TENM2: variants seen among roughly 807,000 people sequenced by gnomAD.
The protein encoded by TENM2 is teneurin-2.
In TENM2, 52 loss-of-function variants were observed where a neutral mutation model predicts 245.2. The ratio of observed to expected loss-of-function variants is 0.21; its 90% CI spans 0.17 to 0.27. The LOEUF (loss-of-function observed/expected upper bound fraction) is 0.27, where lower values mean the gene tolerates loss of function less well. Ranked by LOEUF, TENM2 falls within the 10% of genes least tolerant of loss-of-function variation. TENM2 has a pLI of 1.00. For missense variants in TENM2, 3,046 were observed against 3,666.8 expected, an observed-to-expected ratio of 0.83 and a Z score of 4.37; for synonymous variants, 1,363 against 1,438.9, an observed-to-expected ratio of 0.95 and a Z score of 1.19.
intron 4 of TENM2, among the ~76,000 whole-genome samples, chr5:167,989,268 A>AAGAGAGAGAGAGAGAGAGAGAGAG (rs10617322): frequency 1.4e-5 from 2 of 144,942 alleles, no homozygotes; most frequent in African/African-American, 5.2e-5. Context: ...AAGATAGAGA[A>AAGAGAGAGAGAGAGAGAGAGAGAG]AGAGAGAGAG....
chr5:167,348,775 CAATGG>C (rs1758634137), intron 1 of TENM2, among the ~76,000 whole-genome samples: 1 of 152,142 alleles, frequency 6.6e-6, no homozygotes. Flanking sequence ...CTAAAATTGG[CAATGG>C]AGTCAAAATG....
chr5:167,628,892 A>C (rs1356127725), intron 2 of TENM2, among the ~76,000 whole-genome samples: 1 of 152,146 alleles, frequency 6.6e-6, no homozygotes, highest in African/African-American at 2.4e-5. Context: ...TTAGCTGTGT[A>C]TTGCTTGCAT....
At chr5:168,099,915 G>A (rs1030313421) in intron 9 of TENM2, among the ~76,000 whole-genome samples, 2 of 152,218 alleles carry the variant, frequency 1.3e-5, no homozygotes, top group South Asian at 2.1e-4. Context: ...GGCAAGGTTT[G>A]TAGTTCTCCT....
chr5:167,254,746 T>A, the TENM2 span, among the ~76,000 whole-genome samples: 1 of 152,080 alleles, frequency 6.6e-6, no homozygotes, highest in Non-Finnish European at 1.5e-5. Flanking sequence ...GATAAGGAGA[T>A]CAGGGAAGGT....
At chr5:168,181,791 C>T (rs1196261921) in intron 13 of TENM2, among the ~76,000 whole-genome samples, 1 of 150,770 alleles carries the variant, frequency 6.6e-6, no homozygotes, top group East Asian at 1.9e-4. Context: ...ATTCTTCTGC[C>T]TCAGCCTCCC....
At chr5:168,046,043 T>G (rs1381195538) in intron 5 of TENM2, among the ~76,000 whole-genome samples, 1 of 152,190 alleles carries the variant, frequency 6.6e-6, no homozygotes, top group Non-Finnish European at 1.5e-5. Context: ...AACATGGTTC[T>G]AAGATGGAGA....
chr5:167,683,640 T>A lies in TENM2; in HGVS notation c.503-192346T>A, dbSNP rs1194718356. On this transcript the variant is annotated intron_variant, in intron 2 of 28. Coordinates refer to ENST00000518659, the Ensembl canonical transcript of TENM2. ...TGGTTTCTTGAGATAGGGAAAACCA[T>A]ATTTGTCAGACCTGAAATTTATGTT... Among the ~76,000 whole-genome samples, 10 of 152,290 alleles carry A rather than the reference T, an allele frequency of 6.6e-5. No homozygotes were observed. In the East Asian group the frequency reaches 1.9e-3, roughly 29 times the overall value.
intron 27 of TENM2, among the ~76,000 whole-genome samples, chr5:168,257,278 G>C (rs1562345980): frequency 6.6e-6 from 1 of 152,086 alleles, no homozygotes; most frequent in African/African-American, 2.4e-5. Flanking sequence ...CAAGAGGTGG[G>C]GATGGGGGGT....
the TENM2 span, among the ~76,000 whole-genome samples, chr5:167,158,729 T>A: frequency 6.6e-6 from 1 of 151,948 alleles, no homozygotes; most frequent in South Asian, 2.1e-4. Context: ...CTCTATGAGG[T>A]CTCCACCATC....
intron 2 of TENM2, among the ~76,000 whole-genome samples, chr5:167,618,083 A>G (rs1777908254): frequency 6.6e-6 from 1 of 152,170 alleles, no homozygotes; most frequent in Admixed American, 6.6e-5. Flanking sequence ...ATTTATCACT[A>G]ATTACCTGCC....
chr5:168,048,833 A>G (rs1200134015), intron 6 of TENM2, among the ~76,000 whole-genome samples: 1 of 152,218 alleles, frequency 6.6e-6, no homozygotes, highest in South Asian at 2.1e-4. Context: ...CATAATCATA[A>G]CACTAAATTA....
chr5:166,986,621 AG>A, the TENM2 span, among the ~76,000 whole-genome samples: 1,566 of 152,288 alleles, frequency 0.01, 16 homozygotes, highest in Middle Eastern at 0.02. Flanking sequence ...TATGAACTTC[AG>A]GGGGAAAACA....
chr5:167,438,857 G>C (rs192447744), intron 2 of TENM2, among the ~76,000 whole-genome samples: 1 of 148,478 alleles, frequency 6.7e-6, no homozygotes, highest in Non-Finnish European at 1.5e-5. Context: ...GCAATGGCAC[G>C]ATCTCAGCTC....
chr5:167,380,304 T>C (rs1761022189), intron 2 of TENM2, among the ~76,000 whole-genome samples: 1 of 152,130 alleles, frequency 6.6e-6, no homozygotes, highest in African/African-American at 2.4e-5. Context: ...AGGCAAAATG[T>C]AAGAATATCA....
chr5:166,994,665 T>C, the TENM2 span, among the ~76,000 whole-genome samples: 3 of 152,232 alleles, frequency 2.0e-5, no homozygotes, highest in African/African-American at 7.2e-5. Context: ...TATTTTATTC[T>C]TTCTTACAAC....
At chr5:167,996,011 A>G (rs889178512) in intron 5 of TENM2, among the ~76,000 whole-genome samples, 9 of 152,144 alleles carry the variant, frequency 5.9e-5, no homozygotes, top group South Asian at 2.1e-4. Flanking sequence ...AGGTCCTGAA[A>G]TTGATGCATC....
At chr5:167,569,199 A>G (rs1019298739) in intron 2 of TENM2, among the ~76,000 whole-genome samples, 2 of 144,176 alleles carry the variant, frequency 1.4e-5, no homozygotes, top group African/African-American at 5.1e-5. Context: ...TATAATTTTG[A>G]TGATTTTCGT....
chr5:167,243,029 T>A, the TENM2 span, among the ~76,000 whole-genome samples: 1 of 150,658 alleles, frequency 6.6e-6, no homozygotes, highest in Non-Finnish European at 1.5e-5. Context: ...ATGTTGAGGT[T>A]TTTTTTTTTC....
At chr5:167,874,069 G>A (rs889412985) in intron 2 of TENM2, among the ~76,000 whole-genome samples, 9 of 152,044 alleles carry the variant, frequency 5.9e-5, no homozygotes, top group South Asian at 4.2e-4. Context: ...CTCTTTGGAC[G>A]TTTGCTCAGG....
Sources: allele counts gnomAD v4.1 joint callset (sites outside exome capture counted in the v4.1 genomes callset), GRCh38; gene constraint gnomAD v4.1.1; transcripts MANE v1.5; gene names NCBI Gene and HGNC (gene_info 2026-07-23, HGNC 2026-07-21).